NIM1K: variants seen among roughly 807,000 people sequenced by gnomAD.
NIM1K encodes the protein NIM1 serine/threonine protein kinase.
A neutral mutation model predicts 37.1 loss-of-function variants in NIM1K; 35 were observed. That is an observed-to-expected ratio of 0.94 (90% CI 0.72 to 1.25). The LOEUF is 1.25. Among genes scored for constraint, NIM1K ranks in the 50% most tolerant of loss-of-function variants. The pLI, the probability that NIM1K is intolerant of heterozygous loss-of-function variation, is 0.00. For missense variants in NIM1K, 564 were observed against 548.0 expected (o/e 1.03, Z -0.29); for synonymous variants, 234 against 206.6 (o/e 1.13, Z -1.14).
chr5:43,254,705 A>G (rs751173463), intron 2 of NIM1K, among the ~76,000 whole-genome samples: 23 of 152,334 alleles, frequency 1.5e-4, no homozygotes, highest in Admixed American at 4.6e-4. Context: ...TCTGTAGCAG[A>G]GCTTCATAAA....
chr5:43,198,690 T>C (rs1264519604), intron 1 of NIM1K, among the ~76,000 whole-genome samples: 1 of 152,172 alleles, frequency 6.6e-6, no homozygotes, highest in Non-Finnish European at 1.5e-5. Context: ...CTCCTGCTCA[T>C]GAGACAAGGT....
At chr5:43,222,565 C>CA (rs1561077945) in intron 1 of NIM1K, among the ~76,000 whole-genome samples, 1 of 151,674 alleles carries the variant, frequency 6.6e-6, no homozygotes, top group Non-Finnish European at 1.5e-5. Flanking sequence ...CCCATCTATA[C>CA]AAAAAATGAA....
intron 2 of NIM1K, among the ~76,000 whole-genome samples, chr5:43,276,630 T>C (rs1456307097): frequency 6.6e-6 from 1 of 152,022 alleles, no homozygotes; most frequent in Non-Finnish European, 1.5e-5. Flanking sequence ...GTAGAGAAAA[T>C]CTTCTAGGCA....
At position 43,280,756 on chromosome 5, in the gene NIM1K, C is replaced by T. The variant is rs1008351263; in HGVS notation, c.*27C>T. On this transcript the variant is annotated 3_prime_UTR_variant, in exon 4 of 4. Transcript: ENST00000326035. ...TTGCACTAGACTGCTTGTAACTAAC[C>T]AAGATGATTGTTGCTGCTTCTAAAT... 6.6e-7 allele frequency: 1 copy of T among 1,523,018 alleles called. No individual in the cohort carries two copies. The highest frequency in any genetic ancestry group is 2.2e-5 in the Admixed American group (1 of 45,670). The allele number at this position is 1,523,018 out of a possible 1,614,324, so 94.3% of individuals were successfully genotyped here.
At chr5:43,255,919 C>T (rs1241352800) in intron 2 of NIM1K, among the ~76,000 whole-genome samples, 2 of 151,310 alleles carry the variant, frequency 1.3e-5, no homozygotes, top group African/African-American at 2.4e-5. Flanking sequence ...AAGCAGAAGG[C>T]GTAGCAGGCG....
At chr5:43,263,648 C>T (rs913881413) in intron 2 of NIM1K, among the ~76,000 whole-genome samples, 1 of 151,532 alleles carries the variant, frequency 6.6e-6, no homozygotes, top group Non-Finnish European at 1.5e-5. Flanking sequence ...TTAGTCATTT[C>T]TTGCTTTCTG....
intron 1 of NIM1K, among the ~76,000 whole-genome samples, chr5:43,224,954 A>G (rs1007129331): frequency 2.0e-5 from 3 of 152,126 alleles, no homozygotes; most frequent in African/African-American, 7.2e-5. Flanking sequence ...TTGGCCTCCC[A>G]AAGTGCCGGG....
At chr5:43,232,035 C>T in intron 1 of NIM1K, 3 of 1,020,696 alleles carry the variant, frequency 2.9e-6, no homozygotes, top group South Asian at 2.5e-5. Flanking sequence ...TGGTATTGCT[C>T]AGCATGCACA....
At chr5:43,265,023 C>A (rs962372237) in intron 2 of NIM1K, among the ~76,000 whole-genome samples, 3 of 152,160 alleles carry the variant, frequency 2.0e-5, no homozygotes, top group African/African-American at 7.2e-5. Context: ...TGCAGGTAAC[C>A]CAACCTGTCT....
chr5:43,262,860 G>GA (rs1422082171), intron 2 of NIM1K, among the ~76,000 whole-genome samples: 1 of 152,132 alleles, frequency 6.6e-6, no homozygotes, highest in African/African-American at 2.4e-5. Flanking sequence ...CATCTATTGA[G>GA]ATAATCATGT....
intron 1 of NIM1K, among the ~76,000 whole-genome samples, chr5:43,224,444 G>GA (rs201872225): frequency 3.1e-3 from 400 of 128,926 alleles, no homozygotes; most frequent in East Asian, 6.0e-3. Context: ...ACTCGTCTCA[G>GA]AAAAAAAAAA....
At chr5:43,230,786 C>T (rs1007331567) in intron 1 of NIM1K, among the ~76,000 whole-genome samples, 1 of 152,210 alleles carries the variant, frequency 6.6e-6, no homozygotes, top group African/African-American at 2.4e-5. Context: ...TTTCACTCCT[C>T]CCCAATTCTG....
intron 1 of NIM1K, chr5:43,207,214 G>C (rs1437707821): frequency 1.3e-6 from 1 of 751,282 alleles, no homozygotes; most frequent in Non-Finnish European, 2.5e-6. Context: ...AGAGTGATTT[G>C]GCATATACCT....
intron 2 of NIM1K, among the ~76,000 whole-genome samples, chr5:43,261,735 A>G (rs996527670): frequency 3.3e-5 from 5 of 152,036 alleles, no homozygotes; most frequent in Admixed American, 6.6e-5. Context: ...GGGTTTTTAT[A>G]GTTTTAGGTC....
intron 1 of NIM1K, among the ~76,000 whole-genome samples, chr5:43,194,425 T>A (rs1751881163): frequency 6.6e-6 from 1 of 152,154 alleles, no homozygotes; most frequent in African/African-American, 2.4e-5. Flanking sequence ...TCCTTCTGTG[T>A]TAGGAAAAAA....
In NIM1K at chr5:43,202,872, A is replaced by G. The variant is rs111380333; in HGVS notation, c.-695+10461A>G. The stretch of plus-strand genomic sequence containing the variant: ...GTGACCTCACAACATACCTGGTTCA[A>G]ATTGCAGAGTAGTAGACCCTAGAAA... On this transcript the variant is annotated intron_variant, in intron 1 of 3. Coordinates refer to ENST00000326035, the MANE Select transcript of NIM1K (RefSeq NM_153361.4). Among the ~76,000 whole-genome samples, 1,030 of 152,272 alleles carry G rather than the reference A, an allele frequency of 6.8e-3. 10 individuals are homozygous for G. The highest frequency in any genetic ancestry group is 0.024 in the African/African-American group (991 of 41,540).
chr5:43,236,064 C>T (rs548958250), intron 1 of NIM1K, among the ~76,000 whole-genome samples: 4 of 152,116 alleles, frequency 2.6e-5, no homozygotes, highest in East Asian at 1.9e-4. Flanking sequence ...TACTCGAGAC[C>T]GGGAGTTGCA....
chr5:43,221,373 C>T (rs529312918), intron 1 of NIM1K, among the ~76,000 whole-genome samples: 5 of 148,862 alleles, frequency 3.4e-5, no homozygotes, highest in Non-Finnish European at 1.5e-5. Flanking sequence ...ATTGCTTGAA[C>T]CTGGGAGGCA....
chr5:43,265,506 T>G (rs1233579940), intron 2 of NIM1K, among the ~76,000 whole-genome samples: 1 of 152,234 alleles, frequency 6.6e-6, no homozygotes. Flanking sequence ...TTTATTCTAG[T>G]TAGCCATTTG....
Sources: gnomAD v4.1 joint callset for allele counts (sites outside exome capture counted in the v4.1 genomes callset) on GRCh38, gnomAD v4.1.1 for gene constraint, MANE v1.5 for transcripts, NCBI Gene and HGNC (gene_info 2026-07-23, HGNC 2026-07-21) for gene names.